Variants in MAOA observed in about 807,000 individuals in gnomAD.
MAOA encodes the protein amine oxidase [flavin-containing] A.
Under a neutral mutation model 42.0 loss-of-function variants are expected in MAOA, and 6 were observed. The ratio of observed to expected loss-of-function variants is 0.14; its 90% CI spans 0.08 to 0.28. The LOEUF (loss-of-function observed/expected upper bound fraction) is 0.28, where lower values mean the gene tolerates loss of function less well. Ranked by LOEUF, MAOA falls within the 10% of genes least tolerant of loss-of-function variation. The pLI is 1.00. For missense variants in MAOA, 262 were observed against 422.3 expected, an observed-to-expected ratio of 0.62 and a Z score of 3.33; for synonymous variants, 140 against 154.0, an observed-to-expected ratio of 0.91 and a Z score of 0.67.
At chrX:43,721,512 C>G (rs2033788444) in intron 5 of MAOA, among the ~76,000 whole-genome samples, 1 of 110,287 alleles carries the variant, frequency 9.1e-6, no homozygotes, top group Non-Finnish European at 1.9e-5. Context: ...GTGGAGGATA[C>G]AAGAGGAGAT....
chrX:43,694,813 G>A (rs1311280507), intron 3 of MAOA, among the ~76,000 whole-genome samples: 3 of 111,823 alleles, frequency 2.7e-5, no homozygotes, highest in Non-Finnish European at 5.6e-5. Flanking sequence ...TAATTAAACA[G>A]TCATGTAAAT....
At chrX:43,737,414 T>C (rs768019856) in intron 10 of MAOA, among the ~76,000 whole-genome samples, 8 of 111,951 alleles carry the variant, frequency 7.1e-5, no homozygotes, top group Admixed American at 4.7e-4. Flanking sequence ...AGAATAGAAA[T>C]TTATTTCTCA....
Position 43,732,713 on chromosome X carries a change from A to G in MAOA, c.970A>G (p.Met324Val). The G allele has an allele frequency of 8.3e-7, 1 of 1,205,715 alleles. No individual in the cohort carries two copies. Among genetic ancestry groups the G allele is most frequent in the Non-Finnish European group, 1.1e-6 (1 of 890,026 alleles). ...TCCTGGTTAAGATTACTGTGGCTGC[A>G]TGATCATTGAAGATGAAGATGCTCC... ...FWKKKDYCGC[M>V]IIEDEDAPIS... Residue 324 changes from methionine (M) to valine (V), a missense_variant, in exon 9 of 15, where the codon ATG (methionine) becomes GTG (valine). This residue lies in a region of MAOA where 86 missense variants were observed against 190.3 expected (regional missense o/e 0.45). Coordinates refer to ENST00000338702, the MANE Select transcript of MAOA (RefSeq NM_000240.4).
intron 5 of MAOA, 152 bp from the exon 6 acceptor site, chrX:43,728,021 G>T: frequency 1.7e-6 from 1 of 573,950 alleles, no homozygotes; most frequent in Non-Finnish European, 3.0e-6. Flanking sequence ...AAGAGTTAAA[G>T]AATGCATTCC....
At chrX:43,714,052 G>C (rs1247004870) in intron 5 of MAOA, among the ~76,000 whole-genome samples, 1 of 111,433 alleles carries the variant, frequency 9.0e-6, no homozygotes, top group Non-Finnish European at 1.9e-5. Flanking sequence ...GTTGATAGTA[G>C]TGGGGCAGAT....
Position 43,712,777 on chromosome X carries a change from G to C in MAOA, c.484G>C (p.Asp162His), listed in dbSNP as rs1301903802. The C allele has an allele frequency of 8.3e-7, 1 of 1,204,276 alleles. No homozygotes were observed. The highest frequency in any genetic ancestry group is 1.7e-5 in the African/African-American group (1 of 57,672). The part of the protein sequence containing the change: ...WDKMTMKELI[D>H]KICWTKTARR... ...CAAAATGACCATGAAAGAGCTCATTGACAAAATCTGCTGGACAAAGTAAGT... is the reference window on the plus strand; with the variant it reads ...CAAAATGACCATGAAAGAGCTCATTCACAAAATCTGCTGGACAAAGTAAGT... Residue 162 changes from aspartate (D) to histidine (H), a missense_variant, in exon 5 of 15, where the codon GAC (aspartate) becomes CAC (histidine). Asp to His is a moderately conservative substitution (Grantham distance 81). Coordinates refer to ENST00000338702, the MANE Select transcript of MAOA (RefSeq NM_000240.4).
intron 1 of MAOA, among the ~76,000 whole-genome samples, chrX:43,658,357 A>C (rs953532309): frequency 9.0e-6 from 1 of 111,436 alleles, no homozygotes; most frequent in Non-Finnish European, 1.9e-5. Flanking sequence ...TATGCTCCAT[A>C]CTTGGTCATT....
At chrX:43,682,974 G>C (rs1006752921) in intron 1 of MAOA, among the ~76,000 whole-genome samples, 4 of 111,907 alleles carry the variant, frequency 3.6e-5, no homozygotes, top group African/African-American at 1.3e-4. Context: ...TATGAAGCAT[G>C]GTTTCTACCT....
intron 1 of MAOA, among the ~76,000 whole-genome samples, chrX:43,658,768 T>C (rs989383722): frequency 1.8e-5 from 2 of 111,899 alleles, no homozygotes; most frequent in African/African-American, 6.5e-5. Context: ...CTATCTGTGG[T>C]ACCTTCCCAG....
intron 5 of MAOA, among the ~76,000 whole-genome samples, chrX:43,713,423 C>T (rs1303135564): frequency 9.0e-6 from 1 of 111,467 alleles, no homozygotes; most frequent in East Asian, 2.8e-4. Flanking sequence ...CAGCAAACCA[C>T]TATGGCACAT....
chrX:43,742,380 A>G (rs2033966508), intron 12 of MAOA, among the ~76,000 whole-genome samples: 1 of 112,219 alleles, frequency 8.9e-6, no homozygotes, highest in African/African-American at 3.2e-5. Context: ...GCTCCTTGGC[A>G]CCAGTCAACA....
intron 5 of MAOA, among the ~76,000 whole-genome samples, chrX:43,720,794 G>A (rs1226273884): frequency 9.3e-6 from 1 of 108,092 alleles, no homozygotes; most frequent in Non-Finnish European, 1.9e-5. Flanking sequence ...TGTGGGGTGG[G>A]GGAGGGGGGA....
intron 3 of MAOA, among the ~76,000 whole-genome samples, chrX:43,698,864 A>G (rs2033600423): frequency 8.9e-6 from 1 of 112,437 alleles, no homozygotes; most frequent in Non-Finnish European, 1.9e-5. Flanking sequence ...TGAAATTAAC[A>G]TAAATTAATC....
At chrX:43,664,693 T>C (rs183432513) in intron 1 of MAOA, among the ~76,000 whole-genome samples, 72 of 112,158 alleles carry the variant, frequency 6.4e-4, no homozygotes, top group East Asian at 2.2e-3. Flanking sequence ...ATCTGTTCAT[T>C]CATTCAGTAA....
At chrX:43,693,802 CA>C (rs2033556081) in intron 3 of MAOA, among the ~76,000 whole-genome samples, 1 of 110,153 alleles carries the variant, frequency 9.1e-6, no homozygotes, top group African/African-American at 3.3e-5. Context: ...CACACACACA[CA>C]CGCACACTCC....
At chrX:43,658,014 T>C in intron 1 of MAOA, 1 of 594,605 alleles carries the variant, frequency 1.7e-6, no homozygotes. Flanking sequence ...TATTTATTTA[T>C]GTATTTATTT....
At chrX:43,657,931 T>C in intron 1 of MAOA, 1 of 753,074 alleles carries the variant, frequency 1.3e-6, no homozygotes, top group Non-Finnish European at 1.6e-6. Flanking sequence ...AACATACATG[T>C]ATGTTGGAGC....
chrX:43,691,938 G>A (rs1464254919), intron 2 of MAOA, among the ~76,000 whole-genome samples: 1 of 108,738 alleles, frequency 9.2e-6, no homozygotes, highest in Non-Finnish European at 1.9e-5. Flanking sequence ...CAATTTTCTG[G>A]AAATAGCAGA....
intron 10 of MAOA, among the ~76,000 whole-genome samples, chrX:43,736,527 A>T (rs2033921479): frequency 8.9e-6 from 1 of 111,745 alleles, no homozygotes; most frequent in Non-Finnish European, 1.9e-5. Context: ...TGAGAGATGG[A>T]TGGATAAAAA....
Sources: gnomAD v4.1 joint callset for allele counts (sites outside exome capture counted in the v4.1 genomes callset) on GRCh38, gnomAD v4.1.1 for gene constraint, gnomAD v4.1.1 regional missense constraint, MANE v1.5 for transcripts, NCBI Gene and HGNC (gene_info 2026-07-23, HGNC 2026-07-21) for gene names.